NTRK1: variants seen among roughly 807,000 people sequenced by gnomAD.
NTRK1 encodes neurotrophic receptor tyrosine kinase 1, also known as high affinity nerve growth factor receptor.
NTRK1 carries 62 observed loss-of-function variants against 86.8 expected under a neutral mutation model. The observed-to-expected ratio is 0.71, with a 90% CI of 0.58 to 0.88. NTRK1 has a LOEUF of 0.88. Ranked by LOEUF, NTRK1 falls within the 40% of genes least tolerant of loss-of-function variation. The probability of loss-of-function intolerance (pLI) is 0.00; values close to 1 mark genes in which losing one functional copy is unlikely to be tolerated. For synonymous variants in NTRK1, 469 were observed against 456.6 expected, an observed-to-expected ratio of 1.03 and a Z score of -0.35; for missense variants, 967 against 1,078.4, an observed-to-expected ratio of 0.90 and a Z score of 1.45.
intron 1 of NTRK1, chr1:156,840,709 C>A (rs1302923092): frequency 1.6e-6 from 1 of 637,846 alleles, no homozygotes; most frequent in Admixed American, 2.7e-5. Context: ...TGGTGAGACC[C>A]CTCTGCCCAC....
chr1:156,875,516 C>T lies in NTRK1; in HGVS notation c.1355-4C>T. On this transcript the variant is annotated splice_region_variant and splice_polypyrimidine_tract_variant and intron_variant, in intron 11 of 16. Coordinates refer to ENST00000524377, the MANE Select transcript of NTRK1 (RefSeq NM_002529.4). ...CCCTCCATGCGGCTGTGTCTCCTCT[C>T]TAGGCCCGGCTGTGCTGGCTCCAGA... 1 of 1,613,840 alleles carries T rather than the reference C, an allele frequency of 6.2e-7. No individual in the cohort carries two copies. Among genetic ancestry groups the T allele is most frequent in the Admixed American group, 1.7e-5 (1 of 60,026 alleles).
chr1:156,865,420 C>T (rs970385213), intron 3 of NTRK1, among the ~76,000 whole-genome samples: 22 of 152,304 alleles, frequency 1.4e-4, no homozygotes, highest in South Asian at 4.1e-4. Flanking sequence ...AGATCCCTCA[C>T]GTGCGCAGTA....
chr1:156,874,651 G>A, intron 10 of NTRK1, 25 bp downstream of exon 10: 1 of 1,608,370 alleles, frequency 6.2e-7, no homozygotes, highest in Non-Finnish European at 8.5e-7. Flanking sequence ...AGAAGCTTGT[G>A]CAGACTTTGG....
At chr1:156,847,549 G>A (rs1324505300) in intron 2 of NTRK1, among the ~76,000 whole-genome samples, 1 of 152,200 alleles carries the variant, frequency 6.6e-6, no homozygotes, top group African/African-American at 2.4e-5. Context: ...TGGAATTCAT[G>A]CTGAGCCAGG....
intron 1 of NTRK1, among the ~76,000 whole-genome samples, chr1:156,817,716 C>T (rs917451794): frequency 1.1e-4 from 16 of 150,340 alleles, no homozygotes; most frequent in African/African-American, 3.7e-4. Context: ...AATCTCAGCT[C>T]ACTGCAACTT....
At chr1:156,876,602 C>A (rs751262365) in intron 14 of NTRK1, 30 bp downstream of exon 14, 1 of 1,595,214 alleles carries the variant, frequency 6.3e-7, no homozygotes, top group Non-Finnish European at 8.5e-7. Context: ...GCGCTGGCCC[C>A]GGCCCCTGGC....
intron 7 of NTRK1, 99 bp downstream of exon 7, chr1:156,871,854 G>A (rs1647577152): frequency 6.6e-7 from 1 of 1,509,018 alleles, no homozygotes; most frequent in South Asian, 1.1e-5. Context: ...GGTGGGATGT[G>A]TGTCTCCACA....
rs766145452 is a variant in NTRK1, at chr1:156,879,391, C to T, written c.2046+29C>T. 3.2e-6 allele frequency: 5 copies of T among 1,582,822 alleles called. No homozygotes were observed. The Admixed American group carries it at 6.7e-5, about 21-fold the overall frequency. ...AGGGTCCTTTGTCCCCAACGCCTTC[C>T]CCTGCATCCAAACTGTAGACACCCT... On this transcript the variant is annotated intron_variant, in intron 15 of 16. Coordinates refer to ENST00000524377, the MANE Select transcript of NTRK1 (RefSeq NM_002529.4).
In NTRK1 at chr1:156,829,610, G is replaced by A. The variant is rs143153129; in HGVS notation, c.-63-12471G>A. Among the ~76,000 whole-genome samples the A allele has an allele frequency of 1.2e-3, 190 of 152,204 alleles. 3 individuals are homozygous for A. In the South Asian group the frequency reaches 0.013, roughly 10 times the overall value. ...GACACTATAAGGAGGAGGACTGCTCGCGCTCAAGTATCCACCCCCCAGACT... is the reference window on the plus strand; with the variant it reads ...GACACTATAAGGAGGAGGACTGCTCACGCTCAAGTATCCACCCCCCAGACT... On this transcript the variant is annotated intron_variant, in intron 1 of 16. Coordinates refer to the NTRK1 transcript ENST00000392302.
chr1:156,852,759 G>C (rs991841094), intron 2 of NTRK1, among the ~76,000 whole-genome samples: 1 of 152,208 alleles, frequency 6.6e-6, no homozygotes, highest in East Asian at 1.9e-4. Context: ...CTATGGGAGC[G>C]ATCTGTGGGG....
chr1:156,881,648 C>T lies in NTRK1; in HGVS notation c.*6C>T, dbSNP rs370807813. On this transcript the variant is annotated 3_prime_UTR_variant, in exon 17 of 17. Transcript: ENST00000524377. ...ACCTGGATGTCCTGGGCTAGGGGGCCGGCCCAGGGGCTGGGAGTGGTTAGC... is the reference window on the plus strand; with the variant it reads ...ACCTGGATGTCCTGGGCTAGGGGGCTGGCCCAGGGGCTGGGAGTGGTTAGC... The T allele has an allele frequency of 3.1e-4, 503 of 1,599,456 alleles. No individual in the cohort carries two copies. The highest frequency in any genetic ancestry group is 5.2e-4 in the African/African-American group (39 of 74,754).
intron 2 of NTRK1, chr1:156,845,560 A>AACC: frequency 1.5e-6 from 2 of 1,348,674 alleles, no homozygotes; most frequent in South Asian, 1.4e-5. Flanking sequence ...CTCCCGCAAG[A>AACC]CCCGCCCCTC....
intron 2 of NTRK1, chr1:156,851,663 A>G (rs778677987): frequency 6.2e-7 from 1 of 1,614,164 alleles, no homozygotes; most frequent in Non-Finnish European, 8.5e-7. Flanking sequence ...GCGAAGGTTG[A>G]GGATGAGGCT....
intron 9 of NTRK1, 82 bp downstream of exon 9, chr1:156,874,482 C>T (rs868642203): frequency 6.2e-7 from 1 of 1,611,226 alleles, no homozygotes; most frequent in African/African-American, 1.3e-5. Context: ...GAACTGATCC[C>T]TGAGAGACCA....
chr1:156,878,992 T>G, intron 14 of NTRK1, 130 bp from the exon 15 acceptor site: 3 of 1,062,258 alleles, frequency 2.8e-6, no homozygotes, highest in Non-Finnish European at 4.1e-6. Context: ...GCCTCTACTG[T>G]TCTCTCAATC....
chr1:156,862,405 G>A (rs1655692806), intron 1 of NTRK1, among the ~76,000 whole-genome samples: 1 of 152,110 alleles, frequency 6.6e-6, no homozygotes, highest in Admixed American at 6.5e-5. Context: ...CTTCAGATTG[G>A]GGTCCAGACT....
rs184313771 is a variant in NTRK1 at position 156,841,138 on chromosome 1, C to T, written c.-63-943C>T. On this transcript the variant is annotated intron_variant, in intron 1 of 16. Coordinates refer to the NTRK1 transcript ENST00000392302. ...TGTGGGGAGCAGGGTCAGAGGCATC[C>T]GGGAGCCCCTGCCACGCTCTCAGCC... The T allele has an allele frequency of 8.9e-4, 1,335 of 1,492,306 alleles. 6 individuals are homozygous for T. The Middle Eastern group carries it at 9.8e-3, about 11-fold the overall frequency. The allele number at this position is 1,492,306 out of a possible 1,614,324, so 92.4% of individuals were successfully genotyped here.
intron 4 of NTRK1, among the ~76,000 whole-genome samples, 168 bp downstream of exon 4, chr1:156,867,146 G>A (rs931655665): frequency 1.3e-5 from 2 of 152,256 alleles, no homozygotes; most frequent in African/African-American, 2.4e-5. Flanking sequence ...GGGGCTGCAG[G>A]ACTACCCGTT....
intron 2 of NTRK1, chr1:156,843,260 C>T (rs772177382): frequency 5.6e-6 from 9 of 1,605,960 alleles, no homozygotes; most frequent in Non-Finnish European, 6.8e-6. Context: ...GGTCACAAAG[C>T]GAGGATGCTG....
Sources: gnomAD v4.1 joint callset for allele counts (sites outside exome capture counted in the v4.1 genomes callset) on GRCh38, gnomAD v4.1.1 for gene constraint, MANE v1.5 for transcripts, NCBI Gene and HGNC (gene_info 2026-07-23, HGNC 2026-07-21) for gene names.